The following TRPC3 variants were observed in gnomAD, a reference collection of about 807,000 sequenced individuals.
TRPC3 encodes the protein transient receptor potential cation channel subfamily C member 3.
Under a neutral mutation model 90.9 loss-of-function variants are expected in TRPC3, and 54 were observed. The ratio of observed to expected loss-of-function variants is 0.59; its 90% confidence interval spans 0.48 to 0.75. The LOEUF (loss-of-function observed/expected upper bound fraction) is 0.75, where lower values mean the gene tolerates loss of function less well. TRPC3 is among the 30% of genes least tolerant of loss of function. The pLI, the probability that TRPC3 is intolerant of heterozygous loss-of-function variation, is 0.00. For missense variants in TRPC3, 918 were observed against 1,194.5 expected (o/e 0.77, Z 3.41); for synonymous variants, 424 against 450.9 (o/e 0.94, Z 0.75).
intron 2 of TRPC3, chr4:121,930,830 TAAAAAAAAAAAAA>T (rs71599162): frequency 2.6e-5 from 5 of 190,268 alleles, no homozygotes; most frequent in African/African-American, 2.0e-4. Context: ...CTCTGAGATC[TAAAAAAAAAAAAA>T]AAAAAAAAAA....
chr4:121,892,743 C>T, intron 10 of TRPC3, among the ~76,000 whole-genome samples: 1 of 152,004 alleles, frequency 6.6e-6, no homozygotes, highest in Admixed American at 6.6e-5. Flanking sequence ...AAAGAAAACA[C>T]AACATTATAA....
chr4:121,949,332 G>A (rs1451439266), intron 1 of TRPC3, among the ~76,000 whole-genome samples: 1 of 152,222 alleles, frequency 6.6e-6, no homozygotes, highest in Admixed American at 6.5e-5. Context: ...CATGGAATAG[G>A]GCAGCATGGA....
rs762793543 is a variant in TRPC3 at position 121,925,000 on chromosome 4, G to C, written c.1176+18C>G. The stretch of plus-strand genomic sequence containing the variant: ...TGTTTATTCTAATATGGCACTAGAT[G>C]AAAGTAGGCCCACTCACCTTTTTGA... On this transcript the variant is annotated intron_variant, in intron 3 of 11. Transcript: ENST00000379645. The C allele has an allele frequency of 6.3e-7, 1 of 1,598,642 alleles. No homozygotes were observed. Among genetic ancestry groups the C allele is most frequent in the Non-Finnish European group, 8.5e-7 (1 of 1,173,136 alleles).
intron 5 of TRPC3, 50 bp downstream of exon 5, chr4:121,911,827 C>T: frequency 6.6e-7 from 1 of 1,504,608 alleles, no homozygotes. Flanking sequence ...ACAATTATTT[C>T]TATAATTACC....
In TRPC3 at chr4:121,915,876, C is replaced by T. The variant is rs144371564; in HGVS notation, c.1177-932G>A. 4.2e-3 allele frequency among the ~76,000 whole-genome samples: 633 copies of T among 152,174 alleles called. 9 individuals carry two copies. The highest frequency in any genetic ancestry group is 0.014 in the African/African-American group (592 of 41,514). On this transcript the variant is annotated intron_variant, in intron 3 of 11. Transcript: ENST00000379645. Reference sequence around the variant, plus strand: ...CTAGACACACCTTTTTTTGAATGGTCATATGCTCTTTGTCCAAGCTCAGGA... The same window carrying T: ...CTAGACACACCTTTTTTTGAATGGTTATATGCTCTTTGTCCAAGCTCAGGA...
intron 2 of TRPC3, among the ~76,000 whole-genome samples, chr4:121,930,577 T>C (rs1357857862): frequency 6.6e-6 from 1 of 152,196 alleles, no homozygotes; most frequent in African/African-American, 2.4e-5. Flanking sequence ...TCACCATCTT[T>C]AGTAAATTAT....
chr4:121,924,091 C>T (rs916549054), intron 3 of TRPC3, among the ~76,000 whole-genome samples: 9 of 152,140 alleles, frequency 5.9e-5, no homozygotes, highest in Admixed American at 3.9e-4. Context: ...TTATTTCTGG[C>T]ACCTGCATGA....
At chr4:121,937,595 T>C (rs1219886145) in intron 1 of TRPC3, among the ~76,000 whole-genome samples, 1 of 152,234 alleles carries the variant, frequency 6.6e-6, no homozygotes, top group African/African-American at 2.4e-5. Flanking sequence ...GGTTATTGTA[T>C]CTTTTCAAAA....
chr4:121,903,078 GAAAA>G lies in TRPC3; in HGVS notation c.2254-21_2254-18del, dbSNP rs752063058. 19 of 1,555,884 alleles carry G rather than the reference GAAAA, an allele frequency of 1.2e-5. No individual in the cohort carries two copies. Among genetic ancestry groups the G allele is most frequent in the Non-Finnish European group, 1.4e-5 (16 of 1,153,328 alleles). On this transcript the variant is annotated intron_variant, in intron 8 of 11. Transcript: ENST00000379645. Reference sequence around the variant, plus strand: ...ACTGTCATCCTGTGTCACAAAAATAGAAAAAAAAACTAATTTTAAATGCTAAATA... The same window carrying G: ...ACTGTCATCCTGTGTCACAAAAATAGAAAAACTAATTTTAAATGCTAAATA...
rs372834082 is a variant in TRPC3 at position 121,921,509 on chromosome 4, G to A, written c.1176+3509C>T. ...TGCACTCCAGCCTGGGCGACAGAGCGAGACTCCGTCTCAAAAAAAAAAAAA... is the reference window on the plus strand; with the variant it reads ...TGCACTCCAGCCTGGGCGACAGAGCAAGACTCCGTCTCAAAAAAAAAAAAA... On this transcript the variant is annotated intron_variant, in intron 3 of 11. Coordinates refer to ENST00000379645, the MANE Select transcript of TRPC3 (RefSeq NM_001130698.2). 2.2e-4 allele frequency among the ~76,000 whole-genome samples: 25 copies of A among 114,712 alleles called. No homozygotes were observed. In the East Asian group the frequency reaches 6.6e-3, roughly 30 times the overall value. The allele number at this position is 114,712 out of a possible 152,430, so 75.3% of individuals were successfully genotyped here.
At chr4:121,886,714 G>GT (rs954001631) in intron 10 of TRPC3, among the ~76,000 whole-genome samples, 22 of 151,074 alleles carry the variant, frequency 1.5e-4, no homozygotes, top group Admixed American at 9.9e-4. Flanking sequence ...TTTGTTTTTT[G>GT]TTTTTTTTGA....
intron 1 of TRPC3, among the ~76,000 whole-genome samples, chr4:121,943,984 C>G (rs1241388288): frequency 6.6e-6 from 1 of 151,976 alleles, no homozygotes; most frequent in Non-Finnish European, 1.5e-5. Flanking sequence ...AAATTAAACA[C>G]AAAATGCTAT....
chr4:121,882,714 A>G (rs1727985458), intron 10 of TRPC3, among the ~76,000 whole-genome samples: 1 of 152,116 alleles, frequency 6.6e-6, no homozygotes, highest in Non-Finnish European at 1.5e-5. Flanking sequence ...TCCTCTTTCA[A>G]CTAATAGTTT....
At chr4:121,918,328 C>T (rs553862985) in intron 3 of TRPC3, among the ~76,000 whole-genome samples, 1 of 152,294 alleles carries the variant, frequency 6.6e-6, no homozygotes, top group South Asian at 2.1e-4. Context: ...ACAACACAAA[C>T]GGACTAAGGC....
Position 121,951,755 on chromosome 4 carries a change from G to A in TRPC3, c.-75C>T, listed in dbSNP as rs1730775874. ...GCCTTCGCGGCAGTGCAGTCTTCCC[G>A]CGGCGCCCCTTCACCACCTCCCGCG... is the stretch of plus-strand genomic sequence containing the variant. On this transcript the variant is annotated 5_prime_UTR_variant, in exon 1 of 12. Coordinates refer to ENST00000379645, the MANE Select transcript of TRPC3 (RefSeq NM_001130698.2). This position sits in a 1 kb window ranked among gnomAD's most constrained non-coding sequence, Gnocchi z 4.4. The A allele has an allele frequency of 8.3e-7, 1 of 1,209,054 alleles. No individual in the cohort carries two copies. Among genetic ancestry groups the A allele is most frequent in the African/African-American group, 1.6e-5 (1 of 63,086 alleles). 74.9% of individuals were successfully genotyped at this position (1,209,054 alleles called of 1,614,324 possible).
At chr4:121,906,614 T>C (rs1728892347) in intron 7 of TRPC3, among the ~76,000 whole-genome samples, 1 of 152,078 alleles carries the variant, frequency 6.6e-6, no homozygotes, top group African/African-American at 2.4e-5. Context: ...GTGGCATTAT[T>C]GGGAACAAAG....
chr4:121,900,663 G>A (rs1042719179), intron 9 of TRPC3, among the ~76,000 whole-genome samples: 3 of 152,146 alleles, frequency 2.0e-5, no homozygotes, highest in Non-Finnish European at 4.4e-5. Flanking sequence ...TTCTAAAAAA[G>A]AGAAATAGAA....
At chr4:121,931,438 C>T (rs539997727) in intron 2 of TRPC3, among the ~76,000 whole-genome samples, 10 of 151,982 alleles carry the variant, frequency 6.6e-5, no homozygotes, top group African/African-American at 1.7e-4. Context: ...CCAATCAAAA[C>T]GCATAGGAGG....
chr4:121,909,773 T>C (rs1729019274), intron 6 of TRPC3, among the ~76,000 whole-genome samples: 1 of 152,160 alleles, frequency 6.6e-6, no homozygotes, highest in African/African-American at 2.4e-5. Flanking sequence ...CTTATCTCCT[T>C]GAACCCATGC....
Sources: gnomAD v4.1 joint callset for allele counts (sites outside exome capture counted in the v4.1 genomes callset) on GRCh38, gnomAD v4.1.1 for gene constraint, Gnocchi (gnomAD v3.1) non-coding constraint, MANE v1.5 for transcripts, NCBI Gene and HGNC (gene_info 2026-07-23, HGNC 2026-07-21) for gene names.